LPCAT1: variants seen among roughly 807,000 people sequenced by gnomAD.
The protein encoded by LPCAT1 is lysophosphatidylcholine acyltransferase 1.
LPCAT1 carries 23 observed loss-of-function variants against 60.9 expected under a neutral mutation model. That is an observed-to-expected ratio of 0.38 (90% confidence interval 0.27 to 0.53). The LOEUF (loss-of-function observed/expected upper bound fraction) is 0.53. LPCAT1 is among the 20% of genes least tolerant of loss of function. The probability of loss-of-function intolerance (pLI) is 0.82; values close to 1 mark genes in which losing one functional copy is unlikely to be tolerated. For missense variants in LPCAT1, 622 were observed against 723.6 expected, an observed-to-expected ratio of 0.86 and a Z score of 1.61; for synonymous variants, 340 against 301.1, an observed-to-expected ratio of 1.13 and a Z score of -1.34.
Position 1,463,432 on chromosome 5 carries a change from C to G in LPCAT1, c.*219G>C. 1.8e-6 allele frequency: 1 copy of G among 569,100 alleles called. No homozygotes were observed. Among genetic ancestry groups the G allele is most frequent in the East Asian group, 3.0e-5 (1 of 33,040 alleles). The allele number at this position is 569,100 out of a possible 1,614,324, so 35.3% of individuals were successfully genotyped here. A position where few individuals can be genotyped will look rare whatever the true frequency, so the allele number is the denominator to read the frequency against. ...CGGGGTCCAGGCCAGGCGGGGGATC[C>G]GCGTGCGCGCCCTCCGATTCTCGCA... On this transcript the variant is annotated 3_prime_UTR_variant, in exon 14 of 14. Coordinates refer to ENST00000283415, the MANE Select transcript of LPCAT1 (RefSeq NM_024830.5).
In LPCAT1 at chr5:1,495,421, C is replaced by T. The variant is rs1460601725; in HGVS notation, c.279-507G>A. 6.6e-6 allele frequency among the ~76,000 whole-genome samples: 1 copy of T among 152,026 alleles called. No homozygotes were observed. Among genetic ancestry groups the T allele is most frequent in the Non-Finnish European group, 1.5e-5 (1 of 68,006 alleles). ...CTCCACAGGAAGCCCGGGGTTCCCACAACCAGGCGTTGTGTTATTACAGTG... is the reference window on the plus strand; with the variant it reads ...CTCCACAGGAAGCCCGGGGTTCCCATAACCAGGCGTTGTGTTATTACAGTG... On this transcript the variant is annotated intron_variant, in intron 2 of 13. Transcript: ENST00000283415. The surrounding 1 kb of genome is among the most constrained non-coding windows in gnomAD (Gnocchi z 4.7).
intron 3 of LPCAT1, among the ~76,000 whole-genome samples, 185 bp downstream of exon 3, chr5:1,494,515 G>C (rs1025540675): frequency 6.6e-6 from 1 of 151,772 alleles, no homozygotes; most frequent in Non-Finnish European, 1.5e-5. Context: ...TTCCCAGAAG[G>C]GGGGGTCCCT....
At chr5:1,469,027 T>C (rs1734559978) in intron 12 of LPCAT1, among the ~76,000 whole-genome samples, 1 of 152,116 alleles carries the variant, frequency 6.6e-6, no homozygotes, top group Non-Finnish European at 1.5e-5. Flanking sequence ...GAAAGGGACA[T>C]GGGGAAGCAG....
intron 11 of LPCAT1, among the ~76,000 whole-genome samples, chr5:1,471,900 T>C (rs1390079274): frequency 1.6e-5 from 2 of 125,264 alleles, no homozygotes; most frequent in Admixed American, 8.0e-5. Flanking sequence ...CAAGAGAAGA[T>C]GAGGAGCACC....
At chr5:1,507,041 A>G (rs1736207540) in intron 1 of LPCAT1, among the ~76,000 whole-genome samples, 1 of 152,206 alleles carries the variant, frequency 6.6e-6, no homozygotes, top group Admixed American at 6.5e-5. Flanking sequence ...TTGCGTGGAC[A>G]AGGTGGGCAG....
Position 1,466,960 on chromosome 5 carries a change from C to T in LPCAT1, c.1279-70G>A, listed in dbSNP as rs1734438938. On this transcript the variant is annotated intron_variant, in intron 12 of 13. Coordinates refer to ENST00000283415, the MANE Select transcript of LPCAT1 (RefSeq NM_024830.5). The stretch of plus-strand genomic sequence containing the variant: ...CACCAGGCCCCGCTGTCCAGGGACA[C>T]CCCAGCGGCCCTGCCCCGCTTTGTC... The T allele has an allele frequency of 2.8e-5, 38 of 1,381,764 alleles. No homozygotes were observed. The South Asian group carries it at 6.3e-4, about 23-fold the overall frequency. 85.6% of individuals were successfully genotyped at this position (1,381,764 alleles called of 1,614,324 possible). A position where few individuals can be genotyped will look rare whatever the true frequency, so the allele number is the denominator to read the frequency against.
rs1734929680 is a variant in LPCAT1, at chr5:1,476,605, G to A, written c.899+799C>T. Among the ~76,000 whole-genome samples, 1 of 152,168 alleles carries A rather than the reference G, an allele frequency of 6.6e-6. No individual in the cohort carries two copies. The highest frequency in any genetic ancestry group is 1.5e-5 in the Non-Finnish European group (1 of 68,022). On this transcript the variant is annotated intron_variant, in intron 9 of 13. Coordinates refer to ENST00000283415, the MANE Select transcript of LPCAT1 (RefSeq NM_024830.5). This position sits in a 1 kb window ranked among gnomAD's most constrained non-coding sequence, Gnocchi z 8.6. Reference sequence around the variant, plus strand: ...GGGCCGGTGGACCGAGGCTGATGTGGCTTCCAAGTGGCTCCTGCAGCTCAG... The same window carrying A: ...GGGCCGGTGGACCGAGGCTGATGTGACTTCCAAGTGGCTCCTGCAGCTCAG...
chr5:1,509,523 C>T (rs140119886), intron 1 of LPCAT1, among the ~76,000 whole-genome samples: 95 of 152,248 alleles, frequency 6.2e-4, no homozygotes, highest in African/African-American at 2.2e-3. Context: ...TCCCATCGGA[C>T]GGAGCCGGCA....
intron 1 of LPCAT1, among the ~76,000 whole-genome samples, chr5:1,520,966 G>T (rs113990859): frequency 3.3e-5 from 5 of 150,668 alleles, no homozygotes; most frequent in African/African-American, 1.2e-4. Context: ...TCCAAGGAAA[G>T]TACCGAGAAA....
At chr5:1,505,538 T>TG (rs1736155651) in intron 1 of LPCAT1, among the ~76,000 whole-genome samples, 1 of 136,970 alleles carries the variant, frequency 7.3e-6, no homozygotes, top group Non-Finnish European at 1.6e-5. Flanking sequence ...GAGCCCTGGG[T>TG]GGGGAGGCCC....
chr5:1,465,283 C>CG (rs1356641717), intron 13 of LPCAT1, among the ~76,000 whole-genome samples: 7 of 130,844 alleles, frequency 5.3e-5, no homozygotes, highest in African/African-American at 2.1e-4. Context: ...CACACACACA[C>CG]GCACGGTACT....
rs1734594896 is a variant in LPCAT1, at chr5:1,469,822, C to T, written c.1278+1004G>A. ...AAAAAACAACAGGGCACAGTGAAAGCAGGGCCAGCAGGGGCCGCAGGGCCA... is the reference window on the plus strand; with the variant it reads ...AAAAAACAACAGGGCACAGTGAAAGTAGGGCCAGCAGGGGCCGCAGGGCCA... On this transcript the variant is annotated intron_variant, in intron 12 of 13. Coordinates refer to ENST00000283415, the MANE Select transcript of LPCAT1 (RefSeq NM_024830.5). 2.6e-5 allele frequency among the ~76,000 whole-genome samples: 4 copies of T among 152,206 alleles called. 1 individual carries two copies. In the East Asian group the frequency reaches 7.7e-4, roughly 29 times the overall value.
rs1736063439 is a variant in LPCAT1, at chr5:1,502,704, C to G, written c.136-1101G>C. Among the ~76,000 whole-genome samples, 1 of 152,058 alleles carries G rather than the reference C, an allele frequency of 6.6e-6. No homozygotes were observed. The highest frequency in any genetic ancestry group is 2.4e-5 in the African/African-American group (1 of 41,364). ...CTGAGGTGCAGGTTTAGTGCAGAGACAGAAAAGACCCAGGAGACACAGATC... is the reference window on the plus strand; with the variant it reads ...CTGAGGTGCAGGTTTAGTGCAGAGAGAGAAAAGACCCAGGAGACACAGATC... On this transcript the variant is annotated intron_variant, in intron 1 of 13. Transcript: ENST00000283415. This position sits in a 1 kb window ranked among gnomAD's most constrained non-coding sequence, Gnocchi z 5.5.
At chr5:1,505,687 G>C (rs1378288859) in intron 1 of LPCAT1, among the ~76,000 whole-genome samples, 1 of 152,070 alleles carries the variant, frequency 6.6e-6, no homozygotes, top group African/African-American at 2.4e-5. Flanking sequence ...TGCGCACATA[G>C]GGAAGACTGG....
intron 11 of LPCAT1, among the ~76,000 whole-genome samples, chr5:1,472,750 C>A (rs1024974172): frequency 6.6e-6 from 1 of 152,070 alleles, no homozygotes; most frequent in South Asian, 2.1e-4. Context: ...GACTCGCATC[C>A]GAGACGCTGT....
At chr5:1,518,963 G>T (rs1006993719) in intron 1 of LPCAT1, among the ~76,000 whole-genome samples, 2 of 152,284 alleles carry the variant, frequency 1.3e-5, no homozygotes, top group East Asian at 3.8e-4. Flanking sequence ...CCTGCAGGAA[G>T]CGTGCAGAGC....
At chr5:1,499,623 C>T (rs1579799693) in intron 2 of LPCAT1, among the ~76,000 whole-genome samples, 1 of 152,214 alleles carries the variant, frequency 6.6e-6, no homozygotes, top group South Asian at 2.1e-4. Flanking sequence ...CGTGATGATC[C>T]TGTTGCCCCT....
At chr5:1,468,678 AATG>A (rs1734539461) in intron 12 of LPCAT1, among the ~76,000 whole-genome samples, 1 of 152,256 alleles carries the variant, frequency 6.6e-6, no homozygotes. Context: ...TTTACACAGT[AATG>A]ATAACGAAAA....
rs1736753609 is a variant in LPCAT1, at chr5:1,523,895, G to C, written c.-51C>G. On this transcript the variant is annotated 5_prime_UTR_variant, in exon 1 of 14. Transcript: ENST00000283415. The surrounding 1 kb of genome is among the most constrained non-coding windows in gnomAD (Gnocchi z 7.1). ...AGCCGAGCTGCCTGGGGCGCCGAGC[G>C]GGGCCGGGGCTAGCTGGGCGCGGGT... The C allele has an allele frequency of 2.0e-6, 2 of 1,017,466 alleles. No homozygotes were observed. The highest frequency in any genetic ancestry group is 5.9e-5 in the Admixed American group (1 of 17,022). 63.0% of individuals were successfully genotyped at this position (1,017,466 alleles called of 1,614,324 possible).
Sources: allele counts gnomAD v4.1 joint callset (sites outside exome capture counted in the v4.1 genomes callset), GRCh38; gene constraint gnomAD v4.1.1; non-coding constraint Gnocchi (gnomAD v3.1); transcripts MANE v1.5; gene names NCBI Gene and HGNC (gene_info 2026-07-23, HGNC 2026-07-21).